The following TNFRSF19 variants were observed in gnomAD, a reference collection of about 807,000 sequenced individuals.
TNFRSF19 encodes TNF receptor superfamily member 19.
TNFRSF19 carries 27 observed loss-of-function variants against 46.4 expected under a neutral mutation model. That is an observed-to-expected ratio of 0.58 (90% CI 0.43 to 0.80). TNFRSF19 has a LOEUF of 0.80. TNFRSF19 is among the 30% of genes least tolerant of loss of function. The pLI is 0.00. For synonymous variants in TNFRSF19, 204 were observed against 205.0 expected (o/e 1.00, Z 0.04); for missense variants, 511 against 530.8 (o/e 0.96, Z 0.37).
chr13:23,589,268 A>G (rs1000073601), intron 1 of TNFRSF19, among the ~76,000 whole-genome samples: 1 of 152,164 alleles, frequency 6.6e-6, no homozygotes, highest in Non-Finnish European at 1.5e-5. Flanking sequence ...TTGGTTCTAC[A>G]TTTTAGATCA....
At chr13:23,644,834 T>C (rs983878506) in intron 5 of TNFRSF19, among the ~76,000 whole-genome samples, 12 of 96 alleles carry the variant, frequency 0.12, no homozygotes, top group Admixed American at 0.42. Flanking sequence ...CCTGTGTGTA[T>C]ATATATATAT....
At chr13:23,598,195 T>C (rs1473352289) in intron 3 of TNFRSF19, among the ~76,000 whole-genome samples, 3 of 151,950 alleles carry the variant, frequency 2.0e-5, no homozygotes, top group African/African-American at 7.3e-5. Flanking sequence ...TGAGAACACA[T>C]GGACACAGGG....
chr13:23,630,140 C>CA (rs1882257722), intron 5 of TNFRSF19, among the ~76,000 whole-genome samples: 1 of 151,552 alleles, frequency 6.6e-6, no homozygotes, highest in African/African-American at 2.4e-5. Context: ...ACCATATTCA[C>CA]AAAAAATAAA....
At position 23,614,213 on chromosome 13, in the gene TNFRSF19, G is replaced by A. The variant is rs144860768; in HGVS notation, c.181-1654G>A. 1.4e-3 allele frequency among the ~76,000 whole-genome samples: 209 copies of A among 152,188 alleles called. 2 individuals carry two copies. Among genetic ancestry groups the A allele is most frequent in the African/African-American group, 4.8e-3 (199 of 41,522 alleles). On this transcript the variant is annotated intron_variant, in intron 3 of 9. Transcript: ENST00000248484. The stretch of plus-strand genomic sequence containing the variant: ...TCACTTCTTTGTTGTGCACACTCCC[G>A]ATGTACGTTTGAAAGACAGGCAGAG...
chr13:23,611,097 C>T lies in TNFRSF19; in HGVS notation c.181-4770C>T, dbSNP rs142409124. Among the ~76,000 whole-genome samples, 5 of 149,432 alleles carry T rather than the reference C, an allele frequency of 3.3e-5. No homozygotes were observed. In the East Asian group the frequency reaches 6.0e-4, roughly 18 times the overall value. On this transcript the variant is annotated intron_variant, in intron 3 of 9. Coordinates refer to ENST00000248484, the MANE Select transcript of TNFRSF19 (RefSeq NM_148957.4). Reference sequence around the variant, plus strand: ...ATACTCTGCCTATACCCTCCTTGCCCTCCCCTCACCAGACACACACACACA... The same window carrying T: ...ATACTCTGCCTATACCCTCCTTGCCTTCCCCTCACCAGACACACACACACA...
intron 7 of TNFRSF19, 66 bp from the exon 8 acceptor site, chr13:23,667,914 A>G (rs1951674427): frequency 7.5e-7 from 1 of 1,336,904 alleles, no homozygotes; most frequent in African/African-American, 1.5e-5. Flanking sequence ...GCAGTGTTGA[A>G]GTGTTATTAA....
chr13:23,571,823 A>T (rs1350879503), intron 1 of TNFRSF19, among the ~76,000 whole-genome samples: 1 of 152,006 alleles, frequency 6.6e-6, no homozygotes, highest in Non-Finnish European at 1.5e-5. Flanking sequence ...ACAGTGAAAT[A>T]TAAAAACTAA....
intron 5 of TNFRSF19, among the ~76,000 whole-genome samples, chr13:23,629,001 A>G (rs1197042254): frequency 1.3e-5 from 2 of 152,096 alleles, no homozygotes; most frequent in African/African-American, 2.4e-5. Context: ...ATTCCAGAAC[A>G]CAGCTAATCT....
chr13:23,597,353 A>C (rs1230730762), intron 3 of TNFRSF19, among the ~76,000 whole-genome samples: 1 of 152,144 alleles, frequency 6.6e-6, no homozygotes, highest in Non-Finnish European at 1.5e-5. Flanking sequence ...CGCTAGCTAG[A>C]CTAATAAAGA....
chr13:23,632,927 T>C (rs1050005626), intron 5 of TNFRSF19, among the ~76,000 whole-genome samples: 1 of 152,134 alleles, frequency 6.6e-6, no homozygotes, highest in African/African-American at 2.4e-5. Context: ...AAAAGCAGCA[T>C]GAAGAACCCC....
At chr13:23,615,417 G>A (rs1207872655) in intron 3 of TNFRSF19, among the ~76,000 whole-genome samples, 2 of 152,136 alleles carry the variant, frequency 1.3e-5, no homozygotes, top group African/African-American at 2.4e-5. Flanking sequence ...AGGCTTGTCC[G>A]CTAATGAAAT....
chr13:23,631,547 C>T (rs1255896471), intron 5 of TNFRSF19, among the ~76,000 whole-genome samples: 6 of 152,182 alleles, frequency 3.9e-5, no homozygotes, highest in Non-Finnish European at 5.9e-5. Context: ...CATGCACTAA[C>T]GATGGATGTC....
chr13:23,644,418 C>G (rs1182384546), intron 5 of TNFRSF19, among the ~76,000 whole-genome samples: 1 of 152,170 alleles, frequency 6.6e-6, no homozygotes, highest in Non-Finnish European at 1.5e-5. Flanking sequence ...GCTTTCCCCC[C>G]TTTGCTTGGC....
chr13:23,577,323 A>T (rs1305668791), intron 1 of TNFRSF19, among the ~76,000 whole-genome samples: 2 of 152,262 alleles, frequency 1.3e-5, no homozygotes, highest in Admixed American at 6.5e-5. Flanking sequence ...GTCTCTAAGG[A>T]CAAAAGGAGG....
intron 1 of TNFRSF19, among the ~76,000 whole-genome samples, chr13:23,581,340 G>A (rs928810719): frequency 6.6e-6 from 1 of 151,940 alleles, no homozygotes; most frequent in African/African-American, 2.4e-5. Context: ...TAGAGACAGG[G>A]TTTCACCGTG....
intron 3 of TNFRSF19, among the ~76,000 whole-genome samples, chr13:23,602,059 G>A (rs1236099974): frequency 6.6e-6 from 1 of 152,092 alleles, no homozygotes; most frequent in African/African-American, 2.4e-5. Flanking sequence ...GTGATCTGAT[G>A]TACCAATTTA....
intron 4 of TNFRSF19, among the ~76,000 whole-genome samples, chr13:23,622,957 G>A (rs1044058957): frequency 4.5e-4 from 68 of 152,042 alleles, no homozygotes; most frequent in African/African-American, 1.5e-3. Context: ...TTTTTTTATT[G>A]TGGTAAAAAA....
intron 9 of TNFRSF19, among the ~76,000 whole-genome samples, chr13:23,670,063 C>T (rs1017009520): frequency 3.9e-5 from 6 of 152,176 alleles, no homozygotes; most frequent in African/African-American, 1.2e-4. Flanking sequence ...GCCTCACTTC[C>T]ATGTCATTCT....
chr13:23,572,985 A>C (rs187075130), intron 1 of TNFRSF19, among the ~76,000 whole-genome samples: 56 of 152,306 alleles, frequency 3.7e-4, no homozygotes, highest in African/African-American at 1.3e-3. Flanking sequence ...ACCTCAAGAG[A>C]GTTTCCTCAT....
Sources: allele counts gnomAD v4.1 joint callset (sites outside exome capture counted in the v4.1 genomes callset), GRCh38; gene constraint gnomAD v4.1.1; transcripts MANE v1.5; gene names NCBI Gene and HGNC (gene_info 2026-07-23, HGNC 2026-07-21).